The following LBH variants were observed in gnomAD, a reference collection of about 807,000 sequenced individuals.
The protein encoded by LBH is protein LBH.
LBH carries 7 observed loss-of-function variants against 12.5 expected under a neutral mutation model. The observed-to-expected ratio is 0.56, with a 90% CI of 0.32 to 1.05. The LOEUF is 1.05. Ranked by LOEUF, LBH falls within the 50% of genes least tolerant of loss-of-function variation. The pLI is 0.04. For missense variants in LBH, 119 were observed against 138.9 expected, an observed-to-expected ratio of 0.86 and a Z score of 0.72; for synonymous variants, 51 against 50.1, an observed-to-expected ratio of 1.02 and a Z score of -0.08.
chr2:30,235,776 G>T (rs1038026796), intron 2 of LBH, among the ~76,000 whole-genome samples: 1 of 152,180 alleles, frequency 6.6e-6, no homozygotes, highest in African/African-American at 2.4e-5. Flanking sequence ...CAAGCTAAAA[G>T]TTCAGGCAGG....
intron 2 of LBH, among the ~76,000 whole-genome samples, chr2:30,252,794 G>T (rs1482611948): frequency 6.6e-6 from 1 of 152,224 alleles, no homozygotes; most frequent in African/African-American, 2.4e-5. Flanking sequence ...AGCCCAATGT[G>T]GCTGCTGGAT....
chr2:30,246,897 C>T (rs1481101084), intron 2 of LBH, among the ~76,000 whole-genome samples: 1 of 145,584 alleles, frequency 6.9e-6, no homozygotes. Flanking sequence ...TCATAGCTCA[C>T]TGCAGCCTCC....
intron 2 of LBH, among the ~76,000 whole-genome samples, chr2:30,249,862 G>A (rs930947499): frequency 2.0e-5 from 3 of 152,198 alleles, no homozygotes; most frequent in African/African-American, 7.2e-5. Context: ...AGCCCTGCAA[G>A]ATCAGCATTA....
intron 2 of LBH, among the ~76,000 whole-genome samples, chr2:30,238,878 C>G (rs1246245782): frequency 6.8e-6 from 1 of 147,486 alleles, no homozygotes; most frequent in African/African-American, 2.5e-5. Context: ...TCTCACTCCT[C>G]CCCACTCTTT....
At chr2:30,232,097 G>C in intron 1 of LBH, 1 of 1,536,492 alleles carries the variant, frequency 6.5e-7, no homozygotes, top group Middle Eastern at 1.7e-4. Context: ...CAGGAGGCGC[G>C]CGCCCCACTT....
intron 2 of LBH, among the ~76,000 whole-genome samples, chr2:30,243,859 A>G (rs1189448768): frequency 6.6e-6 from 1 of 152,038 alleles, no homozygotes; most frequent in African/African-American, 2.4e-5. Flanking sequence ...AGATCTTAAC[A>G]TAATGGAAGT....
At chr2:30,245,094 T>C (rs1384124067) in intron 2 of LBH, among the ~76,000 whole-genome samples, 1 of 152,196 alleles carries the variant, frequency 6.6e-6, no homozygotes, top group Non-Finnish European at 1.5e-5. Flanking sequence ...ATCTTTTTAT[T>C]GTAGAGAATT....
At chr2:30,236,828 A>G (rs896156618) in intron 2 of LBH, among the ~76,000 whole-genome samples, 34 of 152,348 alleles carry the variant, frequency 2.2e-4, no homozygotes, top group Admixed American at 1.4e-3. Context: ...GAGGGAGGGC[A>G]GACTGGGGCT....
chr2:30,251,050 A>ATTTTTT (rs372791263), intron 2 of LBH, among the ~76,000 whole-genome samples: 1 of 122,534 alleles, frequency 8.2e-6, no homozygotes, highest in African/African-American at 3.1e-5. Flanking sequence ...TGTCAGTAGA[A>ATTTTTT]TTTTTTTTTT....
chr2:30,259,237 C>T lies in LBH; in HGVS notation c.*1616C>T, dbSNP rs933995728. 1 of 152,904 alleles carries T rather than the reference C, an allele frequency of 6.5e-6. No homozygotes were observed. The highest frequency in any genetic ancestry group is 1.5e-5 in the Non-Finnish European group (1 of 68,190). The allele number at this position is 152,904 out of a possible 1,614,324, so 9.5% of individuals were successfully genotyped here. ...CATTGTGGCTCTGGGGATGCCGGGG[C>T]AGGAGGACGAGGGTGCGCTGTGGAC... On this transcript the variant is annotated 3_prime_UTR_variant, in exon 3 of 3. Transcript: ENST00000395323.
Position 30,231,859 on chromosome 2 carries a change from C to T in LBH, c.26+95C>T, listed in dbSNP as rs1677591070. 30 of 1,141,472 alleles carry T rather than the reference C, an allele frequency of 2.6e-5. 1 individual carries two copies. The South Asian group carries it at 4.8e-4, about 18-fold the overall frequency. 70.7% of individuals were successfully genotyped at this position (1,141,472 alleles called of 1,614,324 possible). ...TGCCGGCTCCGGGTGCGAGGGCAGC[C>T]GGCGGCGCGGGCGCTCAGCGCTAAC... is the stretch of plus-strand genomic sequence containing the variant. On this transcript the variant is annotated intron_variant, in intron 1 of 2. Coordinates refer to ENST00000395323, the MANE Select transcript of LBH (RefSeq NM_030915.4).
chr2:30,245,843 A>G (rs1246066331), intron 2 of LBH, among the ~76,000 whole-genome samples: 2 of 152,182 alleles, frequency 1.3e-5, no homozygotes, highest in Non-Finnish European at 2.9e-5. Context: ...AGCAACAACA[A>G]AAACCTGTTC....
In LBH at chr2:30,233,820, A is replaced by C. The variant is rs571973935; in HGVS notation, c.27-585A>C. Among the ~76,000 whole-genome samples, 8 of 152,358 alleles carry C rather than the reference A, an allele frequency of 5.3e-5. No individual in the cohort carries two copies. In the South Asian group the frequency reaches 1.7e-3, roughly 32 times the overall value. ...AGAAAGGGGATGGATGGCAGATGTG[A>C]AACTTGCAGAAAAGCTGACCCCTTG... On this transcript the variant is annotated intron_variant, in intron 1 of 2. Transcript: ENST00000395323.
rs994593300 is a variant in LBH at position 30,257,847 on chromosome 2, C to G, written c.*226C>G. 14 of 389,744 alleles carry G rather than the reference C, an allele frequency of 3.6e-5. No homozygotes were observed. Among genetic ancestry groups the G allele is most frequent in the Non-Finnish European group, 5.9e-5 (13 of 219,146 alleles). 24.1% of individuals were successfully genotyped at this position (389,744 alleles called of 1,614,324 possible). A position where few individuals can be genotyped will look rare whatever the true frequency, so the allele number is the denominator to read the frequency against. ...GAGCCCTCTGACAATTTGCAAGGCC[C>G]TCTGAGAAAGGAAGCTGCTTAGAGC... On this transcript the variant is annotated 3_prime_UTR_variant, in exon 3 of 3. Transcript: ENST00000395323.
rs1053347294 is a variant in LBH at position 30,257,642 on chromosome 2, G to A, written c.*21G>A. 5.2e-6 allele frequency: 8 copies of A among 1,542,624 alleles called. No individual in the cohort carries two copies. Among genetic ancestry groups the A allele is most frequent in the Non-Finnish European group, 7.1e-6 (8 of 1,133,126 alleles). The stretch of plus-strand genomic sequence containing the variant: ...AGTAGAGTCCCTGTGGACTCCCATG[G>A]GTCATACCAGCCAGCATCTGTTCCT... On this transcript the variant is annotated 3_prime_UTR_variant, in exon 3 of 3. Coordinates refer to ENST00000395323, the MANE Select transcript of LBH (RefSeq NM_030915.4).
intron 1 of LBH, 27 bp downstream of exon 1, chr2:30,231,791 G>C: frequency 6.5e-7 from 1 of 1,549,028 alleles, no homozygotes; most frequent in Admixed American, 2.0e-5. Context: ...TGCGGCGGGC[G>C]TCTGTCTCGC....
chr2:30,251,835 A>G (rs1677984379), intron 2 of LBH, among the ~76,000 whole-genome samples: 1 of 152,132 alleles, frequency 6.6e-6, no homozygotes, highest in African/African-American at 2.4e-5. Context: ...ATGATTTAGT[A>G]TGAGGATGAT....
At chr2:30,254,434 T>C (rs929992119) in intron 2 of LBH, among the ~76,000 whole-genome samples, 6 of 151,752 alleles carry the variant, frequency 4.0e-5, no homozygotes, top group Non-Finnish European at 8.8e-5. Flanking sequence ...AGTTGGGGGG[T>C]GGTAACTAGA....
rs1047972103 is a variant in LBH at position 30,259,463 on chromosome 2, G to A, written c.*1842G>A. On this transcript the variant is annotated 3_prime_UTR_variant, in exon 3 of 3. Transcript: ENST00000395323. ...CCCGCTTCGTTCTGTTTTGGCTGCA[G>A]AGAGTGGTTCATCCATACTCTCATT... The A allele has an allele frequency of 2.0e-5, 3 of 153,020 alleles. No individual in the cohort carries two copies. Among genetic ancestry groups the A allele is most frequent in the African/African-American group, 7.2e-5 (3 of 41,398 alleles). 9.5% of individuals were successfully genotyped at this position (153,020 alleles called of 1,614,324 possible).
Sources: allele counts gnomAD v4.1 joint callset (sites outside exome capture counted in the v4.1 genomes callset), GRCh38; gene constraint gnomAD v4.1.1; transcripts MANE v1.5; gene names NCBI Gene and HGNC (gene_info 2026-07-23, HGNC 2026-07-21).